Variants in MYO10 observed in about 807,000 individuals in gnomAD.
MYO10 encodes myosin X, also known as unconventional myosin-X.
A neutral mutation model predicts 257.3 loss-of-function variants in MYO10; 133 were observed. The observed-to-expected ratio is 0.52, with a 90% CI of 0.45 to 0.60. The LOEUF (loss-of-function observed/expected upper bound fraction) is 0.60, where lower values mean the gene tolerates loss of function less well. Among genes scored for constraint, MYO10 ranks in the 20% least tolerant of loss-of-function variants. The pLI, the probability that MYO10 is intolerant of heterozygous loss-of-function variation, is 0.00. For missense variants in MYO10, 2,399 were observed against 2,635.7 expected (o/e 0.91, Z 1.97); for synonymous variants, 1,104 against 1,028.6 (o/e 1.07, Z -1.40).
rs1480200843 is a variant in MYO10, at chr5:16,762,033, A to G, written c.1656+12T>C. 1 of 1,525,022 alleles carries G rather than the reference A, an allele frequency of 6.6e-7. No individual in the cohort carries two copies. Among genetic ancestry groups the G allele is most frequent in the East Asian group, 2.4e-5 (1 of 41,688 alleles). The allele number at this position is 1,525,022 out of a possible 1,614,324, so 94.5% of individuals were successfully genotyped here. A position where few individuals can be genotyped will look rare whatever the true frequency, so the allele number is the denominator to read the frequency against. On this transcript the variant is annotated intron_variant, in intron 16 of 40. Coordinates refer to ENST00000513610, the MANE Select transcript of MYO10 (RefSeq NM_012334.3). Reference sequence around the variant, plus strand: ...CAGGCAAATATCAATAGGTATCTTAATAAAAAGTTACCTCTCCAGCATAGT... The same window carrying G: ...CAGGCAAATATCAATAGGTATCTTAGTAAAAAGTTACCTCTCCAGCATAGT...
At chr5:16,889,799 G>A (rs554176337) in intron 1 of MYO10, among the ~76,000 whole-genome samples, 1 of 151,724 alleles carries the variant, frequency 6.6e-6, no homozygotes, top group Non-Finnish European at 1.5e-5. Flanking sequence ...ACCAGCACAA[G>A]ATGTTTGCAC....
At chr5:16,679,798 T>G in intron 33 of MYO10, 149 bp downstream of exon 33, 7 of 1,075,586 alleles carry the variant, frequency 6.5e-6, no homozygotes, top group Non-Finnish European at 9.1e-6. Context: ...GTGCTGGAAT[T>G]ACAGGCGTGA....
chr5:16,852,208 G>T (rs1277138918), intron 2 of MYO10, among the ~76,000 whole-genome samples: 1 of 148,824 alleles, frequency 6.7e-6, no homozygotes, highest in Non-Finnish European at 1.5e-5. Context: ...TACATTAAAA[G>T]GACAATATAC....
rs1740736440 is a variant in MYO10 at position 16,762,190 on chromosome 5, A to T, written c.1588-77T>A. 5.6e-6 allele frequency: 8 copies of T among 1,423,042 alleles called. No homozygotes were observed. The South Asian group carries it at 1.3e-4, about 22-fold the overall frequency. 88.2% of individuals were successfully genotyped at this position (1,423,042 alleles called of 1,614,324 possible). ...ACTGATTTCCTTTGACTTCCAGAGAACACTAAATACAAAAGACAGTGAAAA... is the reference window on the plus strand; with the variant it reads ...ACTGATTTCCTTTGACTTCCAGAGATCACTAAATACAAAAGACAGTGAAAA... On this transcript the variant is annotated intron_variant, in intron 15 of 40. Transcript: ENST00000513610.
chr5:16,935,997 C>T lies in MYO10; in HGVS notation c.-189G>A. On this transcript the variant is annotated 5_prime_UTR_variant, in exon 1 of 41. Coordinates refer to ENST00000513610, the MANE Select transcript of MYO10 (RefSeq NM_012334.3). ...CTTTTGTTCGCCCAAACCCAAGTCC[C>T]TAACTCGCCCGTCCCGACGGCAGCC... 1 of 652,098 alleles carries T rather than the reference C, an allele frequency of 1.5e-6. No homozygotes were observed. The highest frequency in any genetic ancestry group is 1.9e-5 in the South Asian group (1 of 52,656). The allele number at this position is 652,098 out of a possible 1,614,324, so 40.4% of individuals were successfully genotyped here. A position where few individuals can be genotyped will look rare whatever the true frequency, so the allele number is the denominator to read the frequency against.
chr5:16,799,638 G>A (rs1241211320), intron 3 of MYO10, among the ~76,000 whole-genome samples: 2 of 152,184 alleles, frequency 1.3e-5, no homozygotes, highest in East Asian at 1.9e-4. Flanking sequence ...GATAACAGGT[G>A]TGTGCCCCTA....
chr5:16,672,427 AC>A (rs984527425), intron 37 of MYO10, among the ~76,000 whole-genome samples: 2 of 151,528 alleles, frequency 1.3e-5, no homozygotes, highest in African/African-American at 4.8e-5. Context: ...ATCAAGAAAT[AC>A]CCAGACGGGT....
Position 16,733,099 on chromosome 5 carries a change from A to G in MYO10, c.1929+21729T>C, listed in dbSNP as rs188062408. On this transcript the variant is annotated intron_variant, in intron 19 of 40. Transcript: ENST00000513610. Reference sequence around the variant, plus strand: ...CAGTGAGCTGAGATCGTGCCATTGCACTCCAGCCTGGGTGACAGAGCAAGA... The same window carrying G: ...CAGTGAGCTGAGATCGTGCCATTGCGCTCCAGCCTGGGTGACAGAGCAAGA... Among the ~76,000 whole-genome samples the G allele has an allele frequency of 2.1e-3, 315 of 152,296 alleles. 4 individuals are homozygous for G. The highest frequency in any genetic ancestry group is 7.1e-3 in the African/African-American group (294 of 41,552).
At chr5:16,788,479 G>A (rs1042310078) in intron 4 of MYO10, among the ~76,000 whole-genome samples, 1 of 152,132 alleles carries the variant, frequency 6.6e-6, no homozygotes, top group Non-Finnish European at 1.5e-5. Flanking sequence ...CTTGGGACAG[G>A]GTAGGATGGA....
rs553608955 is a variant in MYO10, at chr5:16,886,472, T to C, written c.22-8765A>G. On this transcript the variant is annotated intron_variant, in intron 1 of 40. Transcript: ENST00000513610. ...TGCTTCAGAATTCCGACATAATTTC[T>C]TCTCAAAGGCGCTGCCAGAAGTGTT... 2.0e-5 allele frequency among the ~76,000 whole-genome samples: 3 copies of C among 152,286 alleles called. No homozygotes were observed. The South Asian group carries it at 6.2e-4, about 32-fold the overall frequency.
intron 11 of MYO10, 61 bp downstream of exon 11, chr5:16,766,019 T>C: frequency 8.6e-7 from 1 of 1,168,928 alleles, no homozygotes. Context: ...CAATCAAACC[T>C]ATGGATCTGA....
intron 19 of MYO10, among the ~76,000 whole-genome samples, chr5:16,734,220 C>T (rs1373010180): frequency 2.0e-5 from 3 of 152,144 alleles, no homozygotes; most frequent in Non-Finnish European, 4.4e-5. Flanking sequence ...TCCTTATTAA[C>T]ACATTTCATC....
At chr5:16,912,904 A>C (rs1389260742) in intron 1 of MYO10, among the ~76,000 whole-genome samples, 1 of 147,982 alleles carries the variant, frequency 6.8e-6, no homozygotes, top group East Asian at 2.0e-4. Flanking sequence ...TTTTTCTCTT[A>C]GTTTGGGATG....
At position 16,701,269 on chromosome 5, in the gene MYO10, G is replaced by A. The variant is rs753125057; in HGVS notation, c.3126C>T (p.Pro1042=). Residue 1042 remains proline (P), a synonymous_variant, in exon 25 of 41, where the codon CCC becomes CCT. Coordinates refer to ENST00000513610, the MANE Select transcript of MYO10 (RefSeq NM_012334.3). The surrounding 1 kb of genome is among the most constrained non-coding windows in gnomAD (Gnocchi z 8.1). ...EDPYMNDTVV[P]TSPSADSTVL... is the part of the protein sequence containing the mutation. ...CCGTGCTGTCCGCACTGGGGCTGGT[G>A]GGCACCACCGTGTCGTTCATGTATG... is the stretch of plus-strand genomic sequence containing the variant. 6.8e-6 allele frequency: 11 copies of A among 1,613,710 alleles called. No individual in the cohort carries two copies. The highest frequency in any genetic ancestry group is 1.1e-5 in the South Asian group (1 of 90,994).
chr5:16,669,425 C>T (rs1380300320), intron 39 of MYO10, among the ~76,000 whole-genome samples: 1 of 152,020 alleles, frequency 6.6e-6, no homozygotes. Flanking sequence ...AGGATGGTCT[C>T]GATCTCCTGA....
At chr5:16,935,720 G>A in intron 1 of MYO10, 68 bp downstream of exon 1, 1 of 1,594,720 alleles carries the variant, frequency 6.3e-7, no homozygotes, top group Non-Finnish European at 8.6e-7. Context: ...CCCAGGGCGC[G>A]CGGCGTGGTG....
At chr5:16,726,747 T>A (rs938455824) in intron 19 of MYO10, among the ~76,000 whole-genome samples, 1 of 152,222 alleles carries the variant, frequency 6.6e-6, no homozygotes, top group Non-Finnish European at 1.5e-5. Flanking sequence ...GCTATCTTGG[T>A]AGCAGCCCAA....
chr5:16,683,937 T>C lies in MYO10; in HGVS notation c.3991-2A>G. On this transcript the variant is annotated splice_acceptor_variant, in intron 29 of 40. Coordinates refer to ENST00000513610, the MANE Select transcript of MYO10 (RefSeq NM_012334.3). LOFTEE classifies it high-confidence loss of function. ...AATCAGCCCCACATCCAAGGTGCCC[T>C]GGAAAAGAACAAAAAGTAAACAGAA... 1 of 1,613,000 alleles carries C rather than the reference T, an allele frequency of 6.2e-7. No homozygotes were observed. Among genetic ancestry groups the C allele is most frequent in the Non-Finnish European group, 8.5e-7 (1 of 1,179,530 alleles).
chr5:16,753,156 TTTG>T (rs919807085), intron 19 of MYO10, among the ~76,000 whole-genome samples: 4 of 152,158 alleles, frequency 2.6e-5, no homozygotes, highest in Non-Finnish European at 5.9e-5. Context: ...GTTCTGGTTT[TTTG>T]TTGTTGTTGT....
Sources: gnomAD v4.1 joint callset for allele counts (sites outside exome capture counted in the v4.1 genomes callset) on GRCh38, gnomAD v4.1.1 for gene constraint, Gnocchi (gnomAD v3.1) non-coding constraint, MANE v1.5 for transcripts, NCBI Gene and HGNC (gene_info 2026-07-23, HGNC 2026-07-21) for gene names.